NAV2: variants seen among roughly 807,000 people sequenced by gnomAD.
NAV2 encodes neuron navigator 2.
A neutral mutation model predicts 223.2 loss-of-function variants in NAV2; 54 were observed. That is an observed-to-expected ratio of 0.24 (90% confidence interval 0.19 to 0.30). NAV2 has a LOEUF of 0.30. NAV2 is among the 10% of genes least tolerant of loss of function. The probability of loss-of-function intolerance (pLI) is 1.00; values close to 1 mark genes in which losing one functional copy is unlikely to be tolerated. For missense variants in NAV2, 2,806 were observed against 3,147.5 expected (o/e 0.89, Z 2.60); for synonymous variants, 1,279 against 1,239.3 (o/e 1.03, Z -0.67).
intron 1 of NAV2, among the ~76,000 whole-genome samples, chr11:19,705,010 C>CA (rs1244386651): frequency 0.069 from 3,222 of 47,004 alleles, 188 homozygotes; most frequent in East Asian, 0.24. Flanking sequence ...GACTCCGTCT[C>CA]AAAAAAAAAA....
chr11:19,559,969 A>C (rs1472511085), intron 1 of NAV2, among the ~76,000 whole-genome samples: 1 of 152,126 alleles, frequency 6.6e-6, no homozygotes, highest in Non-Finnish European at 1.5e-5. Flanking sequence ...TCTCTAGCTG[A>C]GTCTGCCTTA....
intron 1 of NAV2, among the ~76,000 whole-genome samples, chr11:19,517,789 A>G (rs1023039271): frequency 1.3e-5 from 2 of 152,226 alleles, no homozygotes; most frequent in African/African-American, 4.8e-5. Context: ...GCCCACTAGG[A>G]TCAATGGGTA....
chr11:19,746,829 G>C (rs10734281), intron 1 of NAV2, among the ~76,000 whole-genome samples: 127,479 of 151,784 alleles, frequency 0.84, 53,850 homozygotes, highest in East Asian at 0.92. Context: ...CATCATGTCT[G>C]TCCCGGCTTA....
At chr11:19,947,717 A>G (rs1198800968) in intron 9 of NAV2, among the ~76,000 whole-genome samples, 1 of 152,238 alleles carries the variant, frequency 6.6e-6, no homozygotes, top group Non-Finnish European at 1.5e-5. Context: ...AGACTCTGCC[A>G]AGAGATTGAG....
At chr11:19,814,781 A>G (rs911023206) in intron 1 of NAV2, among the ~76,000 whole-genome samples, 2 of 152,082 alleles carry the variant, frequency 1.3e-5, no homozygotes, top group Admixed American at 1.3e-4. Context: ...GGTCACTTTG[A>G]TGTGGTCAGA....
intron 25 of NAV2, among the ~76,000 whole-genome samples, chr11:20,082,302 G>A (rs926042101): frequency 2.0e-5 from 3 of 152,120 alleles, no homozygotes; most frequent in Non-Finnish European, 4.4e-5. Flanking sequence ...AGAATGAGAA[G>A]CACAGGAAGG....
chr11:19,799,592 G>A (rs907525656), intron 1 of NAV2, among the ~76,000 whole-genome samples: 2 of 151,930 alleles, frequency 1.3e-5, no homozygotes, highest in African/African-American at 2.4e-5. Flanking sequence ...GGGTGGCGGG[G>A]TGAAGAACTG....
intron 1 of NAV2, among the ~76,000 whole-genome samples, chr11:19,359,136 G>T (rs1853789627): frequency 6.6e-6 from 1 of 152,242 alleles, no homozygotes; most frequent in Non-Finnish European, 1.5e-5. Context: ...CTCTGAGTTA[G>T]ATTCTTTGTG....
At chr11:20,109,294 G>T (rs907597693) in intron 36 of NAV2, among the ~76,000 whole-genome samples, 4 of 151,152 alleles carry the variant, frequency 2.6e-5, no homozygotes, top group Non-Finnish European at 4.4e-5. Context: ...TATTGTGAAA[G>T]CAGGAAAAAA....
In NAV2 at chr11:19,933,766, G is replaced by T. The variant is rs372275311; in HGVS notation, c.1522G>T (p.Ala508Ser). Reference sequence around the variant, plus strand: ...GAAAAGCAAGGACCTTGCCAAGAGAGCCTCTGTGACGGAGAGGCTGGACCT... The same window carrying T: ...GAAAAGCAAGGACCTTGCCAAGAGATCCTCTGTGACGGAGAGGCTGGACCT... ...KEKSKDLAKRASVTERLDLKE... is the reference protein window; with the variant it reads ...KEKSKDLAKRSSVTERLDLKE... Residue 508 changes from alanine to serine, a missense_variant, in exon 7 of 38, where the codon GCC becomes TCC. Physicochemically the swap from Ala to Ser is moderately conservative, Grantham distance 99 (BLOSUM62 1). Coordinates refer to ENST00000349880, the MANE Select transcript of NAV2 (RefSeq NM_145117.5). The surrounding 1 kb of genome is among the most constrained non-coding windows in gnomAD (Gnocchi z 4.3). 6.2e-7 allele frequency: 1 copy of T among 1,614,060 alleles called. No homozygotes were observed. Among genetic ancestry groups the T allele is most frequent in the Non-Finnish European group, 8.5e-7 (1 of 1,180,040 alleles).
chr11:19,881,012 A>G (rs1289721063), intron 5 of NAV2, among the ~76,000 whole-genome samples: 2 of 152,200 alleles, frequency 1.3e-5, no homozygotes, highest in Non-Finnish European at 2.9e-5. Context: ...CTGAAGAGTA[A>G]TGGCCTTTTC....
At chr11:19,844,647 T>C (rs1331666137) in intron 3 of NAV2, among the ~76,000 whole-genome samples, 1 of 152,258 alleles carries the variant, frequency 6.6e-6, no homozygotes, top group Non-Finnish European at 1.5e-5. Context: ...TTTGAGATGT[T>C]CAACCTGTAA....
chr11:19,441,238 C>A (rs1851389104), intron 1 of NAV2, among the ~76,000 whole-genome samples: 1 of 152,112 alleles, frequency 6.6e-6, no homozygotes, highest in South Asian at 2.1e-4. Flanking sequence ...AGGAGAATGG[C>A]TGGAGATGGA....
Position 19,950,618 on chromosome 11 carries a change from T to C in NAV2, c.2645+1538T>C, listed in dbSNP as rs139547897. Among the ~76,000 whole-genome samples the C allele has an allele frequency of 8.0e-3, 1,214 of 152,380 alleles. 12 individuals are homozygous for C. Among genetic ancestry groups the C allele is most frequent in the African/African-American group, 0.028 (1,163 of 41,588 alleles). On this transcript the variant is annotated intron_variant, in intron 10 of 37. Transcript: ENST00000349880. ...TAGAGGTGCTTTGGTTTTCAGCCTG[T>C]TACTTTTAGAACTATCTTGGGTAGT...
At chr11:19,724,745 CA>C (rs1265523331) in intron 1 of NAV2, among the ~76,000 whole-genome samples, 1 of 152,172 alleles carries the variant, frequency 6.6e-6, no homozygotes, top group Non-Finnish European at 1.5e-5. Flanking sequence ...GTAACTTGAC[CA>C]AGACCACATG....
intron 1 of NAV2, among the ~76,000 whole-genome samples, chr11:19,616,410 G>A (rs562634842): frequency 1.3e-5 from 2 of 151,932 alleles, no homozygotes; most frequent in Admixed American, 6.6e-5. Context: ...GTAAGCCTGG[G>A]TATATGCCCG....
intron 1 of NAV2, among the ~76,000 whole-genome samples, chr11:19,510,410 A>G (rs1054406152): frequency 4.6e-5 from 7 of 152,362 alleles, no homozygotes; most frequent in African/African-American, 1.7e-4. Context: ...CTCTGATAAC[A>G]GCAGTAATCA....
intron 1 of NAV2, among the ~76,000 whole-genome samples, chr11:19,360,345 C>T (rs1853862998): frequency 6.6e-6 from 1 of 152,144 alleles, no homozygotes; most frequent in South Asian, 2.1e-4. Context: ...TTGACATGTC[C>T]TCTTGGTAAT....
intron 1 of NAV2, among the ~76,000 whole-genome samples, chr11:19,524,918 A>G (rs2043797416): frequency 6.6e-6 from 1 of 152,216 alleles, no homozygotes; most frequent in Non-Finnish European, 1.5e-5. Context: ...AGAGTGGCAT[A>G]TAAGATCAGT....
Sources: allele counts gnomAD v4.1 joint callset (sites outside exome capture counted in the v4.1 genomes callset), GRCh38; gene constraint gnomAD v4.1.1; non-coding constraint Gnocchi (gnomAD v3.1); transcripts MANE v1.5; gene names NCBI Gene and HGNC (gene_info 2026-07-23, HGNC 2026-07-21).